The following TMEM114 variants were observed in gnomAD, a reference collection of about 807,000 sequenced individuals.
TMEM114 encodes the protein claudin-26.
A neutral mutation model predicts 6.2 loss-of-function variants in TMEM114; 6 were observed. The ratio of observed to expected loss-of-function variants is 0.97; its 90% CI spans 0.53 to 1.91. The LOEUF is 1.91. Among genes scored for constraint, TMEM114 ranks in the 40% most tolerant of loss-of-function variants. The pLI is 0.01. For missense variants in TMEM114, 218 were observed against 158.3 expected (o/e 1.38, Z -2.02); for synonymous variants, 104 against 73.0 (o/e 1.42, Z -2.16).
the TMEM114 span, among the ~76,000 whole-genome samples, chr16:8,531,167 GT>G: frequency 6.6e-6 from 1 of 152,184 alleles, no homozygotes; most frequent in Non-Finnish European, 1.5e-5. Flanking sequence ...TCTTTATATA[GT>G]TACTTATTAC....
chr16:8,546,091 G>T (rs1900657569), intron 2 of TMEM114, among the ~76,000 whole-genome samples: 1 of 152,042 alleles, frequency 6.6e-6, no homozygotes, highest in Admixed American at 6.6e-5. Context: ...CTCCAGCCTG[G>T]GAACAGAGCA....
chr16:8,553,777 G>T (rs1033205403), intron 2 of TMEM114, among the ~76,000 whole-genome samples: 7 of 152,056 alleles, frequency 4.6e-5, no homozygotes, highest in African/African-American at 9.7e-5. Flanking sequence ...CACTGCGCCT[G>T]CCCAATCTCA....
Position 8,569,700 on chromosome 16 carries a change from C to T in TMEM114, c.*73G>A, listed in dbSNP as rs1901659189. The T allele has an allele frequency of 3.4e-6, 5 of 1,469,218 alleles. No homozygotes were observed. Among genetic ancestry groups the T allele is most frequent in the Non-Finnish European group, 4.5e-6 (5 of 1,109,110 alleles). The allele number at this position is 1,469,218 out of a possible 1,614,324, so 91.0% of individuals were successfully genotyped here. ...GTGGCCTTTGAGGAAGAAGAGGCCG[C>T]AGCCGATGGAGATCGGTCGGTGAAG... On this transcript the variant is annotated 3_prime_UTR_variant, in exon 4 of 4. Transcript: ENST00000620492.
At chr16:8,588,031 A>T (rs1215430284) in intron 2 of TMEM114, among the ~76,000 whole-genome samples, 4 of 152,118 alleles carry the variant, frequency 2.6e-5, no homozygotes, top group Non-Finnish European at 5.9e-5. Context: ...CACACCTGTA[A>T]TCCCAGCACT....
At chr16:8,566,974 C>G (rs934698909), downstream of TMEM114, among the ~76,000 whole-genome samples, 1 of 145,296 alleles carries the variant, frequency 6.9e-6, no homozygotes, top group Admixed American at 7.1e-5. Flanking sequence ...GATCTCGGCT[C>G]ACTGTAACCT....
At chr16:8,554,805 C>A (rs1040067340) in intron 2 of TMEM114, among the ~76,000 whole-genome samples, 3 of 152,202 alleles carry the variant, frequency 2.0e-5, no homozygotes, top group African/African-American at 2.4e-5. Context: ...ACGGCCACAA[C>A]AACCCTGAGG....
intron 2 of TMEM114, among the ~76,000 whole-genome samples, chr16:8,550,409 G>T (rs886223773): frequency 2.0e-5 from 3 of 152,044 alleles, no homozygotes; most frequent in Non-Finnish European, 4.4e-5. Context: ...GGCCGGGTGC[G>T]GTGGCTCACG....
At chr16:8,585,931 C>T (rs117625581) in intron 2 of TMEM114, among the ~76,000 whole-genome samples, 278 of 152,242 alleles carry the variant, frequency 1.8e-3, no homozygotes, top group African/African-American at 2.5e-3. Context: ...GGTGAAACTG[C>T]GGGTTAGCCC....
At chr16:8,564,791 TAGTGAGTAAATG>T (rs1336283304), downstream of TMEM114, among the ~76,000 whole-genome samples, 6 of 73,192 alleles carry the variant, frequency 8.2e-5, no homozygotes, top group South Asian at 4.6e-4. Context: ...GTGAGTGAAT[TAGTGAGTAAATG>T]AGTGAGTGAA....
At chr16:8,558,733 T>C (rs1226827048) in intron 2 of TMEM114, among the ~76,000 whole-genome samples, 4 of 141,010 alleles carry the variant, frequency 2.8e-5, no homozygotes. Flanking sequence ...GCCAGTATGA[T>C]TGCACCCAGT....
chr16:8,541,807 A>C (rs1369131394), intron 2 of TMEM114, among the ~76,000 whole-genome samples: 1 of 152,180 alleles, frequency 6.6e-6, no homozygotes, highest in Non-Finnish European at 1.5e-5. Flanking sequence ...AGAGGGTTCC[A>C]CTTGGGAACT....
intron 2 of TMEM114, among the ~76,000 whole-genome samples, chr16:8,585,619 C>G (rs984656026): frequency 2.2e-4 from 33 of 148,940 alleles, no homozygotes; most frequent in African/African-American, 7.4e-4. Context: ...AAGAAAAAGA[C>G]ATTATGCGGA....
intron 2 of TMEM114, among the ~76,000 whole-genome samples, chr16:8,574,330 T>C (rs1377273494): frequency 3.3e-5 from 5 of 152,196 alleles, no homozygotes; most frequent in African/African-American, 1.2e-4. Flanking sequence ...CAGTGTTGCG[T>C]CCCGTAGAGC....
intron 2 of TMEM114, among the ~76,000 whole-genome samples, chr16:8,584,495 C>CT (rs2141700362): frequency 6.6e-6 from 1 of 152,334 alleles, no homozygotes; most frequent in Admixed American, 6.5e-5. Context: ...TTGAAAACTT[C>CT]TCTCTGTGGC....
chr16:8,536,185 A>G (rs1290574043), downstream of TMEM114, among the ~76,000 whole-genome samples: 1 of 151,316 alleles, frequency 6.6e-6, no homozygotes, highest in East Asian at 2.0e-4. Flanking sequence ...AGATAGCACC[A>G]CTGCACTCCA....
At chr16:8,538,155 C>T (rs1205974801) in intron 2 of TMEM114, among the ~76,000 whole-genome samples, 1 of 57,670 alleles carries the variant, frequency 1.7e-5, no homozygotes, top group Non-Finnish European at 3.6e-5. Context: ...AAAAAAAAAA[C>T]TTCGCTGGTC....
chr16:8,588,286 CA>C (rs1192746678), intron 2 of TMEM114, among the ~76,000 whole-genome samples: 92,235 of 134,346 alleles, frequency 0.69, 30,690 homozygotes, highest in African/African-American at 0.77. Context: ...GACCCTGTCT[CA>C]AAAAAAAAAA....
chr16:8,564,445 ATGAG>A (rs1474821416), intron 2 of TMEM114, among the ~76,000 whole-genome samples: 1 of 129,518 alleles, frequency 7.7e-6, no homozygotes, highest in African/African-American at 3.0e-5. Context: ...GAGGGAGGGA[ATGAG>A]TGAGTGAGTA....
chr16:8,545,007 G>C (rs1021120584), intron 2 of TMEM114, among the ~76,000 whole-genome samples: 1 of 152,080 alleles, frequency 6.6e-6, no homozygotes, highest in South Asian at 2.1e-4. Context: ...AGTTTCCACA[G>C]TGCATGTTTC....
Sources: allele counts gnomAD v4.1 joint callset (sites outside exome capture counted in the v4.1 genomes callset), GRCh38; gene constraint gnomAD v4.1.1; transcripts MANE v1.5; gene names NCBI Gene and HGNC (gene_info 2026-07-23, HGNC 2026-07-21).